GPD2: variants seen among roughly 807,000 people sequenced by gnomAD.
The protein encoded by GPD2 is glycerol-3-phosphate dehydrogenase, mitochondrial.
A neutral mutation model predicts 82.4 loss-of-function variants in GPD2; 54 were observed. That is an observed-to-expected ratio of 0.66 (90% CI 0.53 to 0.82). The LOEUF is 0.82. Ranked by LOEUF, GPD2 falls within the 40% of genes least tolerant of loss-of-function variation. The pLI, the probability that GPD2 is intolerant of heterozygous loss-of-function variation, is 0.00. For synonymous variants in GPD2, 288 were observed against 306.1 expected, an observed-to-expected ratio of 0.94 and a Z score of 0.62; for missense variants, 748 against 896.2, an observed-to-expected ratio of 0.83 and a Z score of 2.11.
At position 156,496,096 on chromosome 2, in the gene GPD2, G is replaced by A; in HGVS notation, c.155G>A (p.Arg52Lys). The A allele has an allele frequency of 1.2e-6, 2 of 1,612,574 alleles. No individual in the cohort carries two copies. Among genetic ancestry groups the A allele is most frequent in the Middle Eastern group, 1.7e-4 (1 of 6,026 alleles). ...GACTGCATTTCAGAACCAGTTAACA[G>A]GGAGCCTCCTTCCAGAGAAGCTCAG... ...AADCISEPVN[R>K]EPPSREAQLL... is the part of the protein sequence containing the mutation. The change falls in exon 3 of 17, where the codon AGG (arginine) becomes AAG (lysine). Residue 52 changes from arginine (R) to lysine (K), a missense_variant. Arg to Lys is a conservative substitution (Grantham distance 26). Coordinates refer to ENST00000438166, the MANE Select transcript of GPD2 (RefSeq NM_000408.5).
At chr2:156,443,879 T>TA (rs941938036) in intron 1 of GPD2, among the ~76,000 whole-genome samples, 12 of 152,310 alleles carry the variant, frequency 7.9e-5, no homozygotes, top group Middle Eastern at 6.8e-3. Flanking sequence ...CAAGATGACT[T>TA]ACAAAAATTA....
intron 16 of GPD2, 78 bp from the exon 17 acceptor site, chr2:156,582,715 A>G (rs1688070563): frequency 1.3e-6 from 2 of 1,497,650 alleles, no homozygotes; most frequent in African/African-American, 1.4e-5. Context: ...GTCTGCTGCA[A>G]TTCTAACGAT....
chr2:156,434,393 C>T (rs913180165), upstream of GPD2, among the ~76,000 whole-genome samples: 2 of 152,102 alleles, frequency 1.3e-5, no homozygotes, highest in Non-Finnish European at 2.9e-5. Context: ...TGACCCACTG[C>T]GCCTGCCCGG....
At chr2:156,415,969 C>A in the GPD2 span, among the ~76,000 whole-genome samples, 2 of 97,066 alleles carry the variant, frequency 2.1e-5, no homozygotes, top group East Asian at 6.7e-4. Context: ...TGCAGTGAGC[C>A]GAGATCCCGC....
chr2:156,451,442 G>A (rs1441649900), intron 1 of GPD2, among the ~76,000 whole-genome samples: 6 of 117,846 alleles, frequency 5.1e-5, no homozygotes, highest in Admixed American at 4.1e-4. Flanking sequence ...CCTCCCTCCC[G>A]GACGGGGCGG....
At chr2:156,414,720 AT>A in the GPD2 span, among the ~76,000 whole-genome samples, 1 of 152,180 alleles carries the variant, frequency 6.6e-6, no homozygotes. Context: ...ATATTTTCAA[AT>A]GTTATTGGGA....
intron 4 of GPD2, among the ~76,000 whole-genome samples, chr2:156,511,333 T>G (rs1478491207): frequency 6.6e-6 from 1 of 152,212 alleles, no homozygotes; most frequent in Non-Finnish European, 1.5e-5. Flanking sequence ...CACTGACATA[T>G]TCTGAAGGAA....
At chr2:156,580,655 T>C (rs754668249) in intron 16 of GPD2, among the ~76,000 whole-genome samples, 1 of 152,164 alleles carries the variant, frequency 6.6e-6, no homozygotes, top group Non-Finnish European at 1.5e-5. Context: ...TTTTGGTCAA[T>C]GTCAGCCCTT....
chr2:156,510,586 T>C (rs1230515540), intron 3 of GPD2, among the ~76,000 whole-genome samples: 4 of 152,258 alleles, frequency 2.6e-5, no homozygotes, highest in Admixed American at 1.3e-4. Context: ...CACAGCTTAA[T>C]ATGCTTCTAG....
chr2:156,508,182 C>CA (rs1684855915), intron 3 of GPD2, among the ~76,000 whole-genome samples: 1 of 151,996 alleles, frequency 6.6e-6, no homozygotes, highest in African/African-American at 2.4e-5. Flanking sequence ...TCATAGTGGA[C>CA]AGTGCTTTCT....
chr2:156,504,831 A>G (rs1684726588), intron 3 of GPD2, among the ~76,000 whole-genome samples: 1 of 152,136 alleles, frequency 6.6e-6, no homozygotes, highest in African/African-American at 2.4e-5. Context: ...CAAATATACC[A>G]TATGATCCTA....
intron 1 of GPD2, among the ~76,000 whole-genome samples, chr2:156,456,832 A>G (rs1682806003): frequency 6.6e-6 from 1 of 151,898 alleles, no homozygotes; most frequent in Non-Finnish European, 1.5e-5. Flanking sequence ...CAATAAGGAG[A>G]TGGCGTAGCA....
intron 6 of GPD2, among the ~76,000 whole-genome samples, chr2:156,527,232 C>T (rs1475832177): frequency 6.6e-6 from 1 of 151,802 alleles, no homozygotes; most frequent in Admixed American, 6.6e-5. Context: ...TTAGTTTCAA[C>T]TACCAAGCCT....
chr2:156,423,838 CT>C, the GPD2 span, among the ~76,000 whole-genome samples: 26 of 152,350 alleles, frequency 1.7e-4, no homozygotes, highest in African/African-American at 6.3e-4. Context: ...CCGATCTCCA[CT>C]GCCCTTTATC....
intron 1 of GPD2, among the ~76,000 whole-genome samples, chr2:156,439,207 G>T (rs1201707215): frequency 1.3e-5 from 2 of 152,170 alleles, no homozygotes; most frequent in Non-Finnish European, 2.9e-5. Context: ...CACTATGTCT[G>T]TGAAGTTTAA....
intron 9 of GPD2, among the ~76,000 whole-genome samples, chr2:156,567,880 T>C (rs1000188264): frequency 6.6e-6 from 1 of 152,136 alleles, no homozygotes; most frequent in African/African-American, 2.4e-5. Context: ...CTGGATATAG[T>C]TGGGCATTGT....
At chr2:156,466,399 TATA>T in intron 1 of GPD2, among the ~76,000 whole-genome samples, 1 of 152,208 alleles carries the variant, frequency 6.6e-6, no homozygotes, top group East Asian at 1.9e-4. Flanking sequence ...ATTTAATGAA[TATA>T]ATGAGCTTCA....
At chr2:156,449,260 T>C (rs1472229829) in intron 1 of GPD2, among the ~76,000 whole-genome samples, 1 of 152,134 alleles carries the variant, frequency 6.6e-6, no homozygotes, top group Non-Finnish European at 1.5e-5. Context: ...CTGGATCCTA[T>C]AGGTCTTTAT....
the GPD2 span, among the ~76,000 whole-genome samples, chr2:156,421,740 C>T: frequency 6.6e-6 from 1 of 152,142 alleles, no homozygotes; most frequent in African/African-American, 2.4e-5. Flanking sequence ...ATGTTTTCCC[C>T]TCACTTTTCT....
Sources: allele counts gnomAD v4.1 joint callset (sites outside exome capture counted in the v4.1 genomes callset), GRCh38; gene constraint gnomAD v4.1.1; transcripts MANE v1.5; gene names NCBI Gene and HGNC (gene_info 2026-07-23, HGNC 2026-07-21).